Variants in RAPGEF6 observed in about 807,000 individuals in gnomAD.
The protein encoded by RAPGEF6 is PDZ domain containing guanine nucleotide exchange factor (GEF) 2.
Under a neutral mutation model 171.4 loss-of-function variants are expected in RAPGEF6, and 56 were observed. The observed-to-expected ratio is 0.33, with a 90% CI of 0.26 to 0.41. The LOEUF is 0.41. Among genes scored for constraint, RAPGEF6 ranks in the 10% least tolerant of loss-of-function variants. The pLI, the probability that RAPGEF6 is intolerant of heterozygous loss-of-function variation, is 1.00. For missense variants in RAPGEF6, 1,674 were observed against 1,921.4 expected (o/e 0.87, Z 2.41); for synonymous variants, 692 against 650.1 (o/e 1.06, Z -0.98).
rs572751303 is a variant in RAPGEF6 at position 131,508,099 on chromosome 5, C to T, written c.914G>A (p.Gly305Glu). The T allele has an allele frequency of 1.2e-6, 2 of 1,610,824 alleles. No homozygotes were observed. Among genetic ancestry groups the T allele is most frequent in the East Asian group, 2.2e-5 (1 of 44,664 alleles). The part of the protein sequence containing the change: ...VMIFEVVEQA[G>E]AIILEDGQEL... ...TTGCCCATCTTCAAGAATAATAGCTCCAGCCTGCTCTACCACTTCAAAAAT... is the reference window on the plus strand; with the variant it reads ...TTGCCCATCTTCAAGAATAATAGCTTCAGCCTGCTCTACCACTTCAAAAAT... Residue 305 changes from glycine (G) to glutamate (E), a missense_variant, in exon 9 of 28, where the codon GGA becomes GAA. Coordinates refer to ENST00000509018, the MANE Select transcript of RAPGEF6 (RefSeq NM_016340.6).
At position 131,578,885 on chromosome 5, in the gene RAPGEF6, T is replaced by G. The variant is rs1167546175; in HGVS notation, c.281+13498A>C. On this transcript the variant is annotated intron_variant, in intron 4 of 27. Transcript: ENST00000509018. ...TTTGCTCCCCCTGCTCATCTGACTCTCTGCCCAGCACCTCCTCTTGCTTGC... is the reference window on the plus strand; with the variant it reads ...TTTGCTCCCCCTGCTCATCTGACTCGCTGCCCAGCACCTCCTCTTGCTTGC... 2.6e-5 allele frequency among the ~76,000 whole-genome samples: 4 copies of G among 152,286 alleles called. No individual in the cohort carries two copies. In the East Asian group the frequency reaches 7.7e-4, roughly 29 times the overall value.
chr5:131,610,555 G>C (rs958404907), intron 1 of RAPGEF6, among the ~76,000 whole-genome samples: 4 of 152,186 alleles, frequency 2.6e-5, no homozygotes, highest in African/African-American at 2.4e-5. Context: ...GCATTAGCCT[G>C]AGAAGAATGA....
intron 6 of RAPGEF6, among the ~76,000 whole-genome samples, chr5:131,521,839 C>CTA (rs1758499976): frequency 1.3e-5 from 1 of 79,138 alleles, no homozygotes; most frequent in Non-Finnish European, 2.7e-5. Context: ...GAATGTTACC[C>CTA]TACACACACA....
chr5:131,431,398 C>A, intron 25 of RAPGEF6, 49 bp from the exon 26 acceptor site: 1 of 1,531,420 alleles, frequency 6.5e-7, no homozygotes. Context: ...GAAAAACTAT[C>A]TTCTCTCTGT....
rs763818267 is a variant in RAPGEF6 at position 131,429,157 on chromosome 5, G to A, written c.4525C>T (p.Pro1509Ser). Residue 1509 changes from proline to serine, a missense_variant, in exon 27 of 28, where the codon CCA becomes TCA. Pro to Ser is a moderately conservative substitution (Grantham distance 74). Coordinates refer to ENST00000509018, the MANE Select transcript of RAPGEF6 (RefSeq NM_016340.6). Reference sequence around the variant, plus strand: ...GCTAAAGAAATCCCCAAATATCCTGGAGGAGTGGGAGGTGGCTCCCTATAC... The same window carrying A: ...GCTAAAGAAATCCCCAAATATCCTGAAGGAGTGGGAGGTGGCTCCCTATAC... ...DRYREPPPTP[P>S]GYLGISLADL... 3.1e-6 allele frequency: 5 copies of A among 1,613,866 alleles called. No individual in the cohort carries two copies. In the South Asian group the frequency reaches 4.4e-5, roughly 14 times the overall value.
At chr5:131,459,898 T>G (rs1317130671) in intron 19 of RAPGEF6, among the ~76,000 whole-genome samples, 1 of 152,132 alleles carries the variant, frequency 6.6e-6, no homozygotes, top group East Asian at 1.9e-4. Flanking sequence ...CTTTAAAATT[T>G]TTTCCATGTA....
chr5:131,532,854 AAGT>A (rs1759489130), intron 6 of RAPGEF6: 1 of 152,598 alleles, frequency 6.6e-6, no homozygotes, highest in Admixed American at 6.5e-5. Context: ...CTGTTGATTT[AAGT>A]CTAGCTTTTC....
chr5:131,634,915 G>A, intron 1 of RAPGEF6, 47 bp downstream of exon 1: 4 of 1,594,994 alleles, frequency 2.5e-6, no homozygotes, highest in Non-Finnish European at 3.4e-6. Context: ...ACAGGAGGAT[G>A]CTGTCTACTG....
intron 2 of RAPGEF6, among the ~76,000 whole-genome samples, chr5:131,603,688 C>A (rs1482715854): frequency 6.6e-6 from 1 of 151,808 alleles, no homozygotes; most frequent in Non-Finnish European, 1.5e-5. Context: ...CATGTACATA[C>A]AAAAAAATTG....
intron 7 of RAPGEF6, among the ~76,000 whole-genome samples, chr5:131,518,484 G>A (rs907484896): frequency 2.0e-5 from 3 of 150,890 alleles, no homozygotes; most frequent in East Asian, 1.9e-4. Flanking sequence ...CGCAACCTCC[G>A]CCTCCTGGGT....
At chr5:131,580,120 G>GAGCC (rs1449821021) in intron 4 of RAPGEF6, among the ~76,000 whole-genome samples, 4 of 40,610 alleles carry the variant, frequency 9.8e-5, no homozygotes, top group African/African-American at 4.6e-4. Context: ...GGCCGCGTGG[G>GAGCC]AGCCCACTGT....
chr5:131,566,390 T>C (rs1328811124), intron 4 of RAPGEF6, among the ~76,000 whole-genome samples: 6 of 152,188 alleles, frequency 3.9e-5, no homozygotes, highest in Non-Finnish European at 7.3e-5. Flanking sequence ...GTTAACTGAC[T>C]TACAAATGCC....
chr5:131,428,891 T>C lies in RAPGEF6; in HGVS notation c.4780+11A>G. The C allele has an allele frequency of 6.2e-7, 1 of 1,608,304 alleles. No homozygotes were observed. Among genetic ancestry groups the C allele is most frequent in the Non-Finnish European group, 8.5e-7 (1 of 1,175,462 alleles). ...TCATTTAAGAGCCTTTAAGAGAGCT[T>C]GTCAACATACCATCTGCTTCGCTAT... On this transcript the variant is annotated intron_variant, in intron 27 of 27. Coordinates refer to ENST00000509018, the MANE Select transcript of RAPGEF6 (RefSeq NM_016340.6).
intron 1 of RAPGEF6, among the ~76,000 whole-genome samples, chr5:131,623,320 C>CAA (rs548160994): frequency 7.2e-4 from 110 of 152,296 alleles, no homozygotes; most frequent in African/African-American, 2.5e-3. Context: ...AAGTAAAACA[C>CAA]TGTTTATGGC....
chr5:131,539,146 T>C (rs1759969917), intron 6 of RAPGEF6, among the ~76,000 whole-genome samples: 1 of 152,188 alleles, frequency 6.6e-6, no homozygotes, highest in Non-Finnish European at 1.5e-5. Context: ...CAGCATTCAC[T>C]GTCTTATATA....
intron 4 of RAPGEF6, among the ~76,000 whole-genome samples, chr5:131,583,940 A>G (rs964998870): frequency 9.2e-5 from 14 of 152,370 alleles, no homozygotes; most frequent in African/African-American, 2.6e-4. Flanking sequence ...AAAAGAGTAC[A>G]TACTGTATGT....
chr5:131,560,944 C>A (rs1056669270), intron 5 of RAPGEF6, among the ~76,000 whole-genome samples: 1 of 152,150 alleles, frequency 6.6e-6, no homozygotes, highest in African/African-American at 2.4e-5. Flanking sequence ...CATTAAAATG[C>A]TTCATTAAGA....
intron 3 of RAPGEF6, among the ~76,000 whole-genome samples, chr5:131,602,768 A>G (rs1764332200): frequency 6.6e-6 from 1 of 152,120 alleles, no homozygotes; most frequent in South Asian, 2.1e-4. Flanking sequence ...TCTCAAAAAC[A>G]AACAAACAAA....
intron 7 of RAPGEF6, among the ~76,000 whole-genome samples, chr5:131,520,078 A>G (rs1361410175): frequency 1.3e-5 from 2 of 152,346 alleles, no homozygotes; most frequent in Middle Eastern, 3.4e-3. Context: ...GAAAAGCCAC[A>G]TATAAACCAA....
Sources: gnomAD v4.1 joint callset for allele counts (sites outside exome capture counted in the v4.1 genomes callset) on GRCh38, gnomAD v4.1.1 for gene constraint, MANE v1.5 for transcripts, NCBI Gene and HGNC (gene_info 2026-07-23, HGNC 2026-07-21) for gene names.